PRKN: variants seen among roughly 807,000 people sequenced by gnomAD.
PRKN encodes the protein E3 ubiquitin-protein ligase parkin.
Under a neutral mutation model 59.5 loss-of-function variants are expected in PRKN, and 56 were observed. That is an observed-to-expected ratio of 0.94 (90% confidence interval 0.76 to 1.18). The LOEUF (loss-of-function observed/expected upper bound fraction) is 1.18, where lower values mean the gene tolerates loss of function less well. Ranked by LOEUF, PRKN falls within the 50% of genes most tolerant of loss-of-function variation. The pLI, the probability that PRKN is intolerant of heterozygous loss-of-function variation, is 0.00. For missense variants in PRKN, 657 were observed against 596.4 expected, an observed-to-expected ratio of 1.10 and a Z score of -1.06; for synonymous variants, 250 against 222.1, an observed-to-expected ratio of 1.13 and a Z score of -1.12.
intron 6 of PRKN, among the ~76,000 whole-genome samples, chr6:161,849,747 T>C (rs1005080362): frequency 6.6e-5 from 10 of 152,352 alleles, no homozygotes; most frequent in African/African-American, 2.4e-4. Context: ...CATTTAGTCT[T>C]ATAATTTAAG....
At chr6:162,211,147 A>G (rs1785183721) in intron 3 of PRKN, among the ~76,000 whole-genome samples, 1 of 152,136 alleles carries the variant, frequency 6.6e-6, no homozygotes. Flanking sequence ...TTTACAAAAT[A>G]CTGTAGGGGA....
At chr6:161,801,931 G>A (rs1376423906) in intron 6 of PRKN, among the ~76,000 whole-genome samples, 4 of 152,118 alleles carry the variant, frequency 2.6e-5, no homozygotes, top group Admixed American at 6.6e-5. Flanking sequence ...TCAACTAATG[G>A]TTGTGCTGAG....
intron 7 of PRKN, among the ~76,000 whole-genome samples, chr6:161,748,049 C>T (rs1427551314): frequency 6.6e-6 from 1 of 152,140 alleles, no homozygotes; most frequent in Non-Finnish European, 1.5e-5. Flanking sequence ...CTTGGCTTCA[C>T]TAGGCATAAC....
At chr6:161,513,475 C>T (rs1015440067) in intron 9 of PRKN, among the ~76,000 whole-genome samples, 14 of 6,656 alleles carry the variant, frequency 2.1e-3, no homozygotes, top group Non-Finnish European at 3.3e-3. Context: ...CTCCTGACCT[C>T]GTTCGTGATC....
chr6:161,949,179 T>C (rs1779891892), intron 6 of PRKN, among the ~76,000 whole-genome samples: 1 of 152,162 alleles, frequency 6.6e-6, no homozygotes, highest in Admixed American at 6.5e-5. Context: ...ACCAGAAGTA[T>C]CTTCCTAAAG....
intron 7 of PRKN, among the ~76,000 whole-genome samples, chr6:161,746,567 A>G (rs907524998): frequency 6.9e-6 from 1 of 144,236 alleles, no homozygotes; most frequent in Non-Finnish European, 1.5e-5. Flanking sequence ...TTATATATAT[A>G]TATTTATATA....
chr6:161,743,219 T>G (rs1313219897), intron 7 of PRKN, among the ~76,000 whole-genome samples: 1 of 111,782 alleles, frequency 8.9e-6, no homozygotes, highest in Non-Finnish European at 1.9e-5. Flanking sequence ...CTACCTTTTT[T>G]TTTTTTTTTT....
intron 1 of PRKN, among the ~76,000 whole-genome samples, chr6:162,585,248 G>A (rs779905119): frequency 3.3e-5 from 5 of 151,794 alleles, no homozygotes; most frequent in Non-Finnish European, 7.4e-5. Context: ...CATTTTTATC[G>A]TAAGTACTTT....
intron 9 of PRKN, among the ~76,000 whole-genome samples, chr6:161,490,384 TC>T (rs1777508860): frequency 2.3e-5 from 2 of 88,166 alleles, no homozygotes; most frequent in African/African-American, 8.3e-5. Flanking sequence ...TTTCTTTCTT[TC>T]CTTTTTTTTT....
At chr6:162,267,079 A>AT (rs1364287555) in intron 2 of PRKN, 1 of 152,182 alleles carries the variant, frequency 6.6e-6, no homozygotes, top group Non-Finnish European at 1.5e-5. Context: ...AATGTGACAA[A>AT]TGTTGATGAA....
At chr6:161,532,182 A>C (rs946076333) in intron 9 of PRKN, among the ~76,000 whole-genome samples, 33 of 143,722 alleles carry the variant, frequency 2.3e-4, no homozygotes, top group Middle Eastern at 3.6e-3. Context: ...ATATATATAT[A>C]TATATATATA....
chr6:162,262,592 G>A lies in PRKN; in HGVS notation c.345C>T (p.Asp115=). ...VDLSSSVLPG[D]SVGLAVILHT... ...GCAGAATGACAGCCAGCCCCACAGA[G>A]TCTCCTGGGAGGACTGAGCTGCTGA... The change falls in exon 3 of 12, where the codon GAC becomes GAT. Residue 115 remains aspartate, a synonymous_variant. Transcript: ENST00000366898. The A allele has an allele frequency of 6.2e-7, 1 of 1,613,110 alleles. No individual in the cohort carries two copies. The highest frequency in any genetic ancestry group is 8.5e-7 in the Non-Finnish European group (1 of 1,179,170).
rs1210079353 is a variant in PRKN at position 161,446,212 on chromosome 6, TATCTC to T, written c.1084-59340_1084-59336del. On this transcript the variant is annotated intron_variant, in intron 9 of 11. Transcript: ENST00000366898. This position sits in a 1 kb window ranked among gnomAD's most constrained non-coding sequence, Gnocchi z 6.2. ...CAGCCTTGGCAACAGAGAGAGATCT[TATCTC>T]AGAACAAAACAAAAAAATTGGAGAA... Among the ~76,000 whole-genome samples, 1 of 152,088 alleles carries T rather than the reference TATCTC, an allele frequency of 6.6e-6. No homozygotes were observed. The highest frequency in any genetic ancestry group is 1.9e-4 in the East Asian group (1 of 5,170).
chr6:162,057,921 AC>A (rs1201557086), intron 4 of PRKN, among the ~76,000 whole-genome samples: 1 of 152,196 alleles, frequency 6.6e-6, no homozygotes, highest in Non-Finnish European at 1.5e-5. Context: ...CCCATATTCA[AC>A]AGAGGATTTT....
rs1021521080 is a variant in PRKN, at chr6:162,164,216, C to G, written c.534+36915G>C. Among the ~76,000 whole-genome samples, 29 of 148,830 alleles carry G rather than the reference C, an allele frequency of 1.9e-4. 2 individuals are homozygous for G. Among genetic ancestry groups the G allele is most frequent in the Admixed American group, 1.9e-3 (28 of 14,944 alleles). ...CAAAAAAAGGTTTTGAGTGGTCAAC[C>G]TGTGTATTTGTTTATTTGTTTGCTT... is the stretch of plus-strand genomic sequence containing the variant. On this transcript the variant is annotated intron_variant, in intron 4 of 11. Transcript: ENST00000366898.
rs1482083881 is a variant in PRKN, at chr6:161,458,338, T to G, written c.1084-71461A>C. On this transcript the variant is annotated intron_variant, in intron 9 of 11. Transcript: ENST00000366898. The surrounding 1 kb of genome is among the most constrained non-coding windows in gnomAD (Gnocchi z 6.1). ...TAAGTAGGGGGAATTGTGAAGCACT[T>G]TCATCCAGCATCTCGGGTGCCTGGT... 1.3e-5 allele frequency among the ~76,000 whole-genome samples: 2 copies of G among 152,138 alleles called. No individual in the cohort carries two copies. The highest frequency in any genetic ancestry group is 2.9e-5 in the Non-Finnish European group (2 of 68,028).
chr6:162,319,446 G>A (rs912562229), intron 2 of PRKN, among the ~76,000 whole-genome samples: 1 of 151,920 alleles, frequency 6.6e-6, no homozygotes, highest in Non-Finnish European at 1.5e-5. Context: ...CTAAATTGTT[G>A]ACCCACAAAA....
chr6:162,180,792 C>T lies in PRKN; in HGVS notation c.534+20339G>A, dbSNP rs139575593. ...GCTTTATGGGGCAAACAAGCAAGTG[C>T]GTTATACAACAGGGAACAGTGGGCT... On this transcript the variant is annotated intron_variant, in intron 4 of 11. Coordinates refer to ENST00000366898, the MANE Select transcript of PRKN (RefSeq NM_004562.3). 2.8e-3 allele frequency among the ~76,000 whole-genome samples: 424 copies of T among 152,212 alleles called. 2 individuals carry two copies. Among genetic ancestry groups the T allele is most frequent in the African/African-American group, 9.7e-3 (402 of 41,542 alleles).
At chr6:162,615,221 A>G (rs746254923) in intron 1 of PRKN, among the ~76,000 whole-genome samples, 9 of 152,234 alleles carry the variant, frequency 5.9e-5, no homozygotes, top group Non-Finnish European at 1.0e-4. Context: ...CAACCTAAGC[A>G]TACAATTAAC....
Sources: gnomAD v4.1 joint callset for allele counts (sites outside exome capture counted in the v4.1 genomes callset) on GRCh38, gnomAD v4.1.1 for gene constraint, Gnocchi (gnomAD v3.1) non-coding constraint, MANE v1.5 for transcripts, NCBI Gene and HGNC (gene_info 2026-07-23, HGNC 2026-07-21) for gene names.